Variants in DYNC2I1 observed in about 807,000 individuals in gnomAD.
DYNC2I1 encodes cytoplasmic dynein 2 intermediate chain 1.
In DYNC2I1, 89 loss-of-function variants were observed where a neutral mutation model predicts 133.4. The observed-to-expected ratio is 0.67, with a 90% CI of 0.56 to 0.80. The LOEUF is 0.80. Ranked by LOEUF, DYNC2I1 falls within the 30% of genes least tolerant of loss-of-function variation. The pLI is 0.00. For missense variants in DYNC2I1, 1,291 were observed against 1,314.5 expected, an observed-to-expected ratio of 0.98 and a Z score of 0.28; for synonymous variants, 504 against 484.3, an observed-to-expected ratio of 1.04 and a Z score of -0.54.
At chr7:158,897,376 G>C (rs1845852504) in intron 8 of DYNC2I1, among the ~76,000 whole-genome samples, 1 of 152,168 alleles carries the variant, frequency 6.6e-6, no homozygotes, top group African/African-American at 2.4e-5. Flanking sequence ...GCTGGGCCTT[G>C]TGTTTTCTTT....
chr7:158,915,414 G>A (rs1848009222), intron 14 of DYNC2I1, among the ~76,000 whole-genome samples: 1 of 128,242 alleles, frequency 7.8e-6, no homozygotes, highest in African/African-American at 2.7e-5. Context: ...AAGGATGATT[G>A]TGAAACGTCG....
upstream of DYNC2I1, among the ~76,000 whole-genome samples, chr7:158,856,072 G>A (rs896737877): frequency 2.6e-5 from 4 of 151,170 alleles, no homozygotes; most frequent in South Asian, 2.1e-4. Context: ...CTCCCGAGTA[G>A]CTGGGACTAC....
chr7:158,908,346 T>C (rs574647490), intron 11 of DYNC2I1, among the ~76,000 whole-genome samples: 1 of 152,162 alleles, frequency 6.6e-6, no homozygotes, highest in East Asian at 1.9e-4. Flanking sequence ...AAGGACTTTC[T>C]AAGAATAAAA....
At position 158,879,955 on chromosome 7, in the gene DYNC2I1, C is replaced by A; in HGVS notation, c.845C>A (p.Ser282Ter). Residue 282 changes from serine to a stop codon, truncating the protein, a stop_gained, in exon 5 of 25, where the codon TCG (serine) becomes TAG (stop). Coordinates refer to ENST00000407559, the MANE Select transcript of DYNC2I1 (RefSeq NM_018051.5). LOFTEE classifies it high-confidence loss of function. ...HQSNVDRKEK[S>*]AKDEPRKRES... ...AGCAACGTGGATAGAAAAGAGAAATCGGCAAAAGATGAGCCCAGGAAAAGG... is the reference window on the plus strand; with the variant it reads ...AGCAACGTGGATAGAAAAGAGAAATAGGCAAAAGATGAGCCCAGGAAAAGG... The A allele has an allele frequency of 6.2e-7, 1 of 1,602,378 alleles. No individual in the cohort carries two copies. The highest frequency in any genetic ancestry group is 8.5e-7 in the Non-Finnish European group (1 of 1,176,866).
chr7:158,957,817 T>C (rs1408139193), downstream of DYNC2I1, among the ~76,000 whole-genome samples: 1 of 151,974 alleles, frequency 6.6e-6, no homozygotes, highest in African/African-American at 2.4e-5. Flanking sequence ...GTGTCACTTT[T>C]TACACAAGGG....
At chr7:158,917,087 TCTACA>T (rs1203958499) in intron 14 of DYNC2I1, among the ~76,000 whole-genome samples, 21 of 121,720 alleles carry the variant, frequency 1.7e-4, no homozygotes, top group South Asian at 2.6e-4. Flanking sequence ...TTGTGAAACG[TCTACA>T]CGCTGGTTGA....
At chr7:158,851,015 G>A in the DYNC2I1 span, among the ~76,000 whole-genome samples, 3 of 151,342 alleles carry the variant, frequency 2.0e-5, no homozygotes, top group African/African-American at 7.3e-5. Context: ...GCAGTCTGCT[G>A]CTCTAGTTAA....
intron 1 of DYNC2I1, among the ~76,000 whole-genome samples, chr7:158,868,513 T>G (rs149054194): frequency 2.5e-4 from 38 of 152,338 alleles, no homozygotes; most frequent in Non-Finnish European, 4.4e-4. Flanking sequence ...GGACGGTGTT[T>G]TTGGGCCTGG....
chr7:158,954,063 G>C (rs977804052), intron 4 of DYNC2I1, among the ~76,000 whole-genome samples: 1 of 152,104 alleles, frequency 6.6e-6, no homozygotes, highest in South Asian at 2.1e-4. Context: ...TGCTGTTCTC[G>C]AGATAGTGAG....
chr7:158,900,731 G>GTTTTT (rs35689002), intron 8 of DYNC2I1, among the ~76,000 whole-genome samples: 3 of 105,724 alleles, frequency 2.8e-5, no homozygotes, highest in African/African-American at 3.6e-5. Flanking sequence ...ATTTTGTTCT[G>GTTTTT]TTTTTTTTTT....
intron 15 of DYNC2I1, among the ~76,000 whole-genome samples, chr7:158,920,769 T>C (rs1214571670): frequency 6.6e-6 from 1 of 151,886 alleles, no homozygotes; most frequent in African/African-American, 2.4e-5. Context: ...TGAGACGGAG[T>C]GTGTGGGTTG....
intron 14 of DYNC2I1, among the ~76,000 whole-genome samples, chr7:158,915,813 A>G: frequency 6.8e-6 from 1 of 147,020 alleles, no homozygotes; most frequent in South Asian, 2.1e-4. Flanking sequence ...ACGCTGGTTG[A>G]CATTAAGGAT....
chr7:158,876,186 G>A (rs1422458818), intron 3 of DYNC2I1, among the ~76,000 whole-genome samples: 1 of 152,142 alleles, frequency 6.6e-6, no homozygotes, highest in African/African-American at 2.4e-5. Context: ...CGTCTTACAG[G>A]GCCAGAGCAG....
intron 7 of DYNC2I1, among the ~76,000 whole-genome samples, chr7:158,890,539 A>G (rs1437428924): frequency 6.6e-6 from 1 of 152,092 alleles, no homozygotes; most frequent in Non-Finnish European, 1.5e-5. Context: ...TATTTTCTTC[A>G]TGAATAATAC....
chr7:158,902,636 G>C (rs1035841879), intron 10 of DYNC2I1, 41 bp downstream of exon 10: 2 of 1,587,222 alleles, frequency 1.3e-6, no homozygotes, highest in African/African-American at 2.7e-5. Context: ...GTGCTCTTAG[G>C]GCTCTGTGTA....
chr7:158,863,564 C>A (rs1471674569), intron 1 of DYNC2I1, among the ~76,000 whole-genome samples: 4 of 146,754 alleles, frequency 2.7e-5, no homozygotes, highest in African/African-American at 1.0e-4. Context: ...AGCGGGACTT[C>A]CTTAGCTCCA....
chr7:158,907,170 A>G (rs1300745021), intron 11 of DYNC2I1, among the ~76,000 whole-genome samples: 1 of 152,008 alleles, frequency 6.6e-6, no homozygotes, highest in Non-Finnish European at 1.5e-5. Flanking sequence ...AAAAGAAAAA[A>G]AAAAAAACTA....
rs776298909 is a variant in DYNC2I1 at position 158,871,341 on chromosome 7, G to C, written c.269G>C (p.Arg90Thr). Reference sequence around the variant, plus strand: ...GGGGAGAGGGACAGAGACAGACAGAGGGAGAGGAGAAGAGACGCAAAAGAC... The same window carrying C: ...GGGGAGAGGGACAGAGACAGACAGACGGAGAGGAGAAGAGACGCAAAAGAC... ...PRGERDRDRQ[R>T]ERRRDAKDRE... is the part of the protein sequence containing the mutation. Residue 90 changes from arginine (R) to threonine (T), a missense_variant, in exon 3 of 25, where the codon AGG becomes ACG. By Grantham distance (71) the Arg-to-Thr change is moderately conservative. Coordinates refer to ENST00000407559, the MANE Select transcript of DYNC2I1 (RefSeq NM_018051.5). The C allele has an allele frequency of 6.4e-6, 10 of 1,555,316 alleles. No homozygotes were observed. In the East Asian group the frequency reaches 1.7e-4, roughly 26 times the overall value.
Position 158,928,589 on chromosome 7 carries a change from G to C in DYNC2I1, c.2485+1546G>C, listed in dbSNP as rs117292477. On this transcript the variant is annotated intron_variant, in intron 20 of 24. Coordinates refer to ENST00000407559, the MANE Select transcript of DYNC2I1 (RefSeq NM_018051.5). Reference sequence around the variant, plus strand: ...AATGCTTTTGAGGTGGAGTCACCATGTTTCTCAATGTATTCTTTATGCGGC... The same window carrying C: ...AATGCTTTTGAGGTGGAGTCACCATCTTTCTCAATGTATTCTTTATGCGGC... Among the ~76,000 whole-genome samples, 233 of 152,276 alleles carry C rather than the reference G, an allele frequency of 1.5e-3. 3 individuals carry two copies. In the East Asian group the frequency reaches 0.034, roughly 22 times the overall value.
Sources: allele counts gnomAD v4.1 joint callset (sites outside exome capture counted in the v4.1 genomes callset), GRCh38; gene constraint gnomAD v4.1.1; transcripts MANE v1.5; gene names NCBI Gene and HGNC (gene_info 2026-07-23, HGNC 2026-07-21).